PHTF2: variants seen among roughly 807,000 people sequenced by gnomAD.
PHTF2 encodes protein PHTF2.
PHTF2 carries 60 observed loss-of-function variants against 101.2 expected under a neutral mutation model. That is an observed-to-expected ratio of 0.59 (90% CI 0.48 to 0.73). PHTF2 has a LOEUF of 0.73. Among genes scored for constraint, PHTF2 ranks in the 30% least tolerant of loss-of-function variants. The probability of loss-of-function intolerance (pLI) is 0.00; values close to 1 mark genes in which losing one functional copy is unlikely to be tolerated. For missense variants in PHTF2, 747 were observed against 908.7 expected (o/e 0.82, Z 2.29); for synonymous variants, 311 against 307.3 (o/e 1.01, Z -0.13).
At chr7:77,937,725 C>A (rs771091656) in exon 13 of PHTF2, 1 of 1,365,082 alleles carries the variant, frequency 7.3e-7, no homozygotes, top group Non-Finnish European at 9.8e-7. Flanking sequence ...TTTGCCCTGG[C>A]TCCATAGTTC....
chr7:77,956,593 C>G (rs990485841), exon 20 of PHTF2: 19 of 152,474 alleles, frequency 1.2e-4, no homozygotes, highest in South Asian at 4.1e-4. Flanking sequence ...TAGGCTTTGT[C>G]TGATGTTTTT....
At chr7:77,910,248 A>G in exon 9 of PHTF2, 2 of 1,610,828 alleles carry the variant, frequency 1.2e-6, no homozygotes, top group East Asian at 2.2e-5. Flanking sequence ...GATGAAGGAA[A>G]TTAAGAAAAG....
At chr7:77,927,729 A>C (rs2428938) in intron 11 of PHTF2, among the ~76,000 whole-genome samples, 4,058 of 152,304 alleles carry the variant, frequency 0.027, 178 homozygotes, top group African/African-American at 0.091. Flanking sequence ...AATTTTTAAC[A>C]GCTTTTTAAA....
intron 3 of PHTF2, among the ~76,000 whole-genome samples, chr7:77,869,031 G>C (rs1798308612): frequency 6.6e-6 from 1 of 152,052 alleles, no homozygotes; most frequent in Admixed American, 6.6e-5. Context: ...AAACAAAAAA[G>C]ATCTTTGGAA....
At position 77,831,970 on chromosome 7, in the gene PHTF2, G is replaced by A. The variant is rs192572088; in HGVS notation, c.-35-8251G>A. Among the ~76,000 whole-genome samples the A allele has an allele frequency of 3.3e-3, 508 of 152,190 alleles. 5 individuals are homozygous for A. Among genetic ancestry groups the A allele is most frequent in the Non-Finnish European group, 3.7e-3 (251 of 67,996 alleles). ...CACACAGCTTCTCTTATATGCAGAA[G>A]TAAGATGGCTTTCTAAGGTAGATCA... On this transcript the variant is annotated intron_variant, in intron 1 of 19. Coordinates refer to ENST00000416283, the Ensembl canonical transcript of PHTF2.
chr7:77,807,616 C>T (rs1304492543), intron 1 of PHTF2, among the ~76,000 whole-genome samples: 1 of 152,074 alleles, frequency 6.6e-6, no homozygotes, highest in Non-Finnish European at 1.5e-5. Flanking sequence ...TACCAGATTT[C>T]TGATTTGCAA....
At chr7:77,841,594 T>C (rs1795892157) in intron 2 of PHTF2, among the ~76,000 whole-genome samples, 1 of 152,298 alleles carries the variant, frequency 6.6e-6, no homozygotes, top group Middle Eastern at 3.4e-3. Context: ...CCTCCCTTAG[T>C]AGATGGCATG....
chr7:77,878,002 G>C (rs981110407), intron 3 of PHTF2, among the ~76,000 whole-genome samples: 8 of 152,126 alleles, frequency 5.3e-5, no homozygotes, highest in African/African-American at 1.9e-4. Context: ...GTCCCTCTCA[G>C]AGTATAGCAA....
chr7:77,885,525 A>G (rs1287291719), intron 3 of PHTF2, among the ~76,000 whole-genome samples: 4 of 151,714 alleles, frequency 2.6e-5, no homozygotes, highest in African/African-American at 9.7e-5. Flanking sequence ...GCTCACTGCA[A>G]CCTCCGCCTC....
chr7:77,894,849 A>G (rs1159795819), intron 5 of PHTF2, among the ~76,000 whole-genome samples: 1 of 152,168 alleles, frequency 6.6e-6, no homozygotes, highest in Admixed American at 6.5e-5. Flanking sequence ...TGGAAGAAAC[A>G]TGATTGAGGC....
chr7:77,807,327 A>G (rs1301510401), intron 1 of PHTF2, among the ~76,000 whole-genome samples: 1 of 152,036 alleles, frequency 6.6e-6, no homozygotes, highest in Non-Finnish European at 1.5e-5. Flanking sequence ...CCAACAGTGC[A>G]CAAAGGCTCC....
intron 11 of PHTF2, chr7:77,923,118 A>C: frequency 1.0e-6 from 1 of 1,002,746 alleles, no homozygotes; most frequent in Non-Finnish European, 1.2e-6. Flanking sequence ...ACATTTGATC[A>C]TAGCAAAGTT....
chr7:77,934,997 A>G (rs1372704089), intron 12 of PHTF2, among the ~76,000 whole-genome samples: 1 of 151,916 alleles, frequency 6.6e-6, no homozygotes, highest in African/African-American at 2.4e-5. Context: ...AACCTATGTG[A>G]TAAAATTATA....
At chr7:77,937,109 T>C (rs1315144594) in intron 12 of PHTF2, among the ~76,000 whole-genome samples, 1 of 152,082 alleles carries the variant, frequency 6.6e-6, no homozygotes, top group Non-Finnish European at 1.5e-5. Flanking sequence ...ATGGGTCCTT[T>C]GGAGAAATGC....
intron 2 of PHTF2, among the ~76,000 whole-genome samples, chr7:77,853,399 T>A (rs528008840): frequency 1.7e-3 from 147 of 88,860 alleles, no homozygotes; most frequent in African/African-American, 4.9e-3. Flanking sequence ...AGCTCTGGAA[T>A]TTTTTTTTTT....
chr7:77,854,232 T>C (rs950240415), intron 2 of PHTF2, among the ~76,000 whole-genome samples: 15 of 152,208 alleles, frequency 9.9e-5, no homozygotes, highest in African/African-American at 3.6e-4. Context: ...TTGTCTTCAG[T>C]AAGAACTGGG....
intron 2 of PHTF2, among the ~76,000 whole-genome samples, chr7:77,841,724 A>G (rs566012257): frequency 6.6e-6 from 1 of 152,306 alleles, no homozygotes; most frequent in South Asian, 2.1e-4. Context: ...TATACTATTA[A>G]TTGTCTTTTG....
chr7:77,799,756 G>A (rs1395839143), intron 1 of PHTF2, among the ~76,000 whole-genome samples: 1 of 152,148 alleles, frequency 6.6e-6, no homozygotes, highest in African/African-American at 2.4e-5. Flanking sequence ...TTTTAGCGTG[G>A]CGAAAACAAG....
intron 13 of PHTF2, among the ~76,000 whole-genome samples, chr7:77,939,604 A>AAG (rs1330062314): frequency 6.6e-6 from 1 of 151,676 alleles, no homozygotes; most frequent in Admixed American, 6.6e-5. Flanking sequence ...AAAAAAAAAA[A>AAG]AAAAGAAAAC....
Sources: allele counts gnomAD v4.1 joint callset (sites outside exome capture counted in the v4.1 genomes callset), GRCh38; gene constraint gnomAD v4.1.1; transcripts MANE v1.5; gene names NCBI Gene and HGNC (gene_info 2026-07-23, HGNC 2026-07-21).